PRDM16: variants seen among roughly 807,000 people sequenced by gnomAD.
PRDM16 encodes histone-lysine N-methyltransferase PRDM16.
PRDM16 carries 23 observed loss-of-function variants against 110.6 expected under a neutral mutation model. The observed-to-expected ratio is 0.21, with a 90% CI of 0.15 to 0.29. The LOEUF is 0.29. Among genes scored for constraint, PRDM16 ranks in the 10% least tolerant of loss-of-function variants. The pLI is 1.00. For synonymous variants in PRDM16, 799 were observed against 781.8 expected (o/e 1.02, Z -0.37); for missense variants, 1,615 against 1,794.3 (o/e 0.90, Z 1.81).
At chr1:3,404,111 G>A (rs1374978228) in intron 6 of PRDM16, among the ~76,000 whole-genome samples, 1 of 152,202 alleles carries the variant, frequency 6.6e-6, no homozygotes, top group Non-Finnish European at 1.5e-5. Flanking sequence ...CGTAATTAAC[G>A]AGCCGTGATA....
intron 12 of PRDM16, among the ~76,000 whole-genome samples, chr1:3,421,992 A>G (rs959854900): frequency 2.7e-5 from 4 of 147,444 alleles, no homozygotes; most frequent in Non-Finnish European, 6.0e-5. Context: ...AGACAGGCAG[A>G]CAGACAGACA....
intron 1 of PRDM16, among the ~76,000 whole-genome samples, chr1:3,074,899 C>T (rs1641862343): frequency 1.3e-5 from 2 of 152,224 alleles, no homozygotes; most frequent in Non-Finnish European, 2.9e-5. Context: ...CATCCCTGGT[C>T]CAGCCTGGCG....
In PRDM16 at chr1:3,412,108, G is replaced by A. The variant is rs1643699991; in HGVS notation, c.1911G>A (p.Lys637=). The change falls in exon 9 of 17, where the codon AAG becomes AAA. Residue 637 remains lysine (K), a synonymous_variant. Transcript: ENST00000270722. ...SDVDSDPDKD[K]GKGKSAEGQP... Reference sequence around the variant, plus strand: ...TGGACAGCGACCCTGACAAGGACAAGGGCAAGGGCAAGTCCGCCGAGGGCC... The same window carrying A: ...TGGACAGCGACCCTGACAAGGACAAAGGCAAGGGCAAGTCCGCCGAGGGCC... 1.3e-6 allele frequency: 2 copies of A among 1,576,256 alleles called. No homozygotes were observed. Among genetic ancestry groups the A allele is most frequent in the Non-Finnish European group, 1.7e-6 (2 of 1,160,436 alleles).
intron 1 of PRDM16, among the ~76,000 whole-genome samples, chr1:3,159,148 G>A (rs1353921381): frequency 6.6e-6 from 1 of 152,204 alleles, no homozygotes; most frequent in Non-Finnish European, 1.5e-5. Context: ...CCTTGGGCTG[G>A]GGGACCCTGA....
chr1:3,419,336 G>T (rs1017753840), intron 12 of PRDM16, among the ~76,000 whole-genome samples: 1 of 152,240 alleles, frequency 6.6e-6, no homozygotes, highest in South Asian at 2.1e-4. Context: ...CATCTGAGGA[G>T]CCGGCTGGCA....
chr1:3,411,623 C>G lies in PRDM16; in HGVS notation c.1426C>G (p.Pro476Ala). The G allele has an allele frequency of 6.2e-7, 1 of 1,613,962 alleles. No individual in the cohort carries two copies. The highest frequency in any genetic ancestry group is 8.5e-7 in the Non-Finnish European group (1 of 1,179,962). The change falls in exon 9 of 17, where the codon CCC becomes GCC. Residue 476 changes from proline (P) to alanine (A), a missense_variant. Around this residue, in one of 5 missense-constraint regions of PRDM16, gnomAD observed 772 missense variants for 748.3 expected, o/e 1.03. Coordinates refer to ENST00000270722, the MANE Select transcript of PRDM16 (RefSeq NM_022114.4). ...SPMMDKAKPS[P>A]SLNHASLGFN... is the part of the protein sequence containing the mutation. ...CATGATGGACAAGGCAAAACCCTCC[C>G]CCAGCCTCAATCACGCCAGCCTGGG...
At chr1:3,160,845 T>A (rs1278635972) in intron 1 of PRDM16, among the ~76,000 whole-genome samples, 1 of 151,666 alleles carries the variant, frequency 6.6e-6, no homozygotes, top group Non-Finnish European at 1.5e-5. Context: ...CTCAGAGAGG[T>A]CAAGCACCTT....
chr1:3,335,007 T>A (rs905060487), intron 3 of PRDM16, among the ~76,000 whole-genome samples: 1 of 151,654 alleles, frequency 6.6e-6, no homozygotes, highest in Non-Finnish European at 1.5e-5. Flanking sequence ...AGAGCCAGAG[T>A]CCCCAGCGCC....
chr1:3,373,753 T>C (rs958853530), intron 3 of PRDM16, among the ~76,000 whole-genome samples: 2 of 152,126 alleles, frequency 1.3e-5, no homozygotes, highest in African/African-American at 2.4e-5. Flanking sequence ...TGCACCTCCG[T>C]GAGAAAAACA....
At chr1:3,368,520 G>C (rs1642855524) in intron 3 of PRDM16, among the ~76,000 whole-genome samples, 1 of 152,186 alleles carries the variant, frequency 6.6e-6, no homozygotes, top group Non-Finnish European at 1.5e-5. Context: ...CCCAAAGACA[G>C]TGTCTCCCCC....
chr1:3,137,068 C>T (rs1363557027), intron 1 of PRDM16, among the ~76,000 whole-genome samples: 1 of 152,194 alleles, frequency 6.6e-6, no homozygotes, highest in Non-Finnish European at 1.5e-5. Flanking sequence ...CATCCCATTT[C>T]ACAGGTGAGG....
In PRDM16 at chr1:3,412,622, A is replaced by C; in HGVS notation, c.2425A>C (p.Ser809Arg). The C allele has an allele frequency of 5.7e-6, 9 of 1,586,904 alleles. No individual in the cohort carries two copies. Among genetic ancestry groups the C allele is most frequent in the Non-Finnish European group, 7.7e-6 (9 of 1,164,910 alleles). The change falls in exon 9 of 17, where the codon AGC (serine) becomes CGC (arginine). Residue 809 changes from serine to arginine, a missense_variant. Ser to Arg is a moderately radical substitution (Grantham distance 110). Around this residue, in one of 5 missense-constraint regions of PRDM16, gnomAD observed 772 missense variants for 748.3 expected, o/e 1.03. Coordinates refer to ENST00000270722, the MANE Select transcript of PRDM16 (RefSeq NM_022114.4). ...EEQPLDLSIG[S>R]RARASQNGGG... ...GCAGCCGCTGGACCTGAGCATCGGC[A>C]GCCGGGCCCGTGCCAGCCAAAACGG...
chr1:3,348,935 C>G (rs1465774105), intron 3 of PRDM16, among the ~76,000 whole-genome samples: 3 of 152,132 alleles, frequency 2.0e-5, no homozygotes, highest in African/African-American at 7.2e-5. Flanking sequence ...GGGCACCTCA[C>G]TTTGAGAGGC....
chr1:3,302,315 G>A (rs1019899037), intron 3 of PRDM16, among the ~76,000 whole-genome samples: 3 of 152,082 alleles, frequency 2.0e-5, no homozygotes, highest in Non-Finnish European at 2.9e-5. Context: ...CTACCATACC[G>A]TAGTATGTGC....
intron 3 of PRDM16, among the ~76,000 whole-genome samples, chr1:3,253,393 G>A (rs1212593079): frequency 8.1e-6 from 1 of 122,806 alleles, no homozygotes; most frequent in Non-Finnish European, 1.6e-5. Flanking sequence ...AGAGTGTGAT[G>A]TTCCCCTTCC....
At chr1:3,142,259 G>A (rs922875576) in intron 1 of PRDM16, among the ~76,000 whole-genome samples, 10 of 152,368 alleles carry the variant, frequency 6.6e-5, no homozygotes, top group Non-Finnish European at 4.4e-5. Flanking sequence ...AACAAACAGC[G>A]ATGTCTTAGA....
intron 8 of PRDM16, among the ~76,000 whole-genome samples, chr1:3,409,894 TG>T (rs1248244832): frequency 1.7e-5 from 2 of 115,858 alleles, no homozygotes; most frequent in African/African-American, 7.0e-5. Flanking sequence ...TGTGCATGTG[TG>T]TGGTGTGGTT....
At chr1:3,141,599 G>A (rs138284400) in intron 1 of PRDM16, among the ~76,000 whole-genome samples, 15 of 152,366 alleles carry the variant, frequency 9.8e-5, no homozygotes, top group Non-Finnish European at 1.6e-4. Context: ...CCCCACCTGC[G>A]AGGATGGGAG....
chr1:3,425,353 T>C lies in PRDM16; in HGVS notation c.2940-228T>C, dbSNP rs536693492. 391 of 482,954 alleles carry C rather than the reference T, an allele frequency of 8.1e-4. 1 individual carries two copies. Among genetic ancestry groups the C allele is most frequent in the African/African-American group, 7.0e-3 (362 of 51,396 alleles). The allele number at this position is 482,954 out of a possible 1,614,324, so 29.9% of individuals were successfully genotyped here. On this transcript the variant is annotated intron_variant, in intron 12 of 16. Transcript: ENST00000270722. The surrounding 1 kb of genome is among the most constrained non-coding windows in gnomAD (Gnocchi z 6.9). ...TTGGCCTCCCAAAGTGCTGTGATTA[T>C]AGGCGTGAACCCCTGCTTCTTGAAG...
Sources: gnomAD v4.1 joint callset for allele counts (sites outside exome capture counted in the v4.1 genomes callset) on GRCh38, gnomAD v4.1.1 for gene constraint, gnomAD v4.1.1 regional missense constraint, Gnocchi (gnomAD v3.1) non-coding constraint, MANE v1.5 for transcripts, NCBI Gene and HGNC (gene_info 2026-07-23, HGNC 2026-07-21) for gene names.